IL1R2: variants seen among roughly 807,000 people sequenced by gnomAD.
IL1R2 encodes the protein interleukin-1 receptor type 2.
IL1R2 carries 46 observed loss-of-function variants against 39.5 expected under a neutral mutation model. The observed-to-expected ratio is 1.16, with a 90% CI of 0.92 to 1.49. The LOEUF is 1.49. IL1R2 is among the 40% of genes most tolerant of loss of function. IL1R2 has a pLI of 0.00. For missense variants in IL1R2, 537 were observed against 502.0 expected (o/e 1.07, Z -0.67); for synonymous variants, 207 against 189.6 (o/e 1.09, Z -0.75).
intron 1 of IL1R2, among the ~76,000 whole-genome samples, chr2:101,995,491 C>A (rs765988464): frequency 6.6e-6 from 1 of 152,156 alleles, no homozygotes; most frequent in African/African-American, 2.4e-5. Context: ...ACAGCCCAAA[C>A]GATACCTTGA....
At position 102,015,950 on chromosome 2, in the gene IL1R2, T is replaced by C; in HGVS notation, c.412T>C (p.Tyr138His). 2 of 1,613,996 alleles carry C rather than the reference T, an allele frequency of 1.2e-6. No individual in the cohort carries two copies. The highest frequency in any genetic ancestry group is 2.2e-5 in the East Asian group (1 of 44,878). ...NTDAFLPFIS[Y>H]PQILTLSTSG... ...AGATGCTTTCCTGCCGTTCATCTCA[T>C]ACCCGCAAATTTTAACCTTGTCAAC... Residue 138 changes from tyrosine (Y) to histidine (H), a missense_variant, in exon 4 of 9, where the codon TAC becomes CAC. Tyr to His is a moderately conservative substitution (Grantham distance 83, BLOSUM62 2). Transcript: ENST00000332549.
chr2:102,009,942 T>A (rs1055141526), intron 3 of IL1R2, 116 bp downstream of exon 3: 14 of 1,194,546 alleles, frequency 1.2e-5, no homozygotes, highest in African/African-American at 6.1e-5. Context: ...ATCCAGTGAA[T>A]CCACATTGCA....
intron 4 of IL1R2, among the ~76,000 whole-genome samples, chr2:102,017,258 G>C (rs1030206723): frequency 3.3e-5 from 5 of 152,004 alleles, no homozygotes; most frequent in Non-Finnish European, 5.9e-5. Flanking sequence ...TTAGCTGGGC[G>C]TGGTAGTGGG....
At position 102,003,116 on chromosome 2, in the gene IL1R2, G is replaced by A. The variant is rs1451173232; in HGVS notation, c.-61-5399G>A. On this transcript the variant is annotated intron_variant, in intron 1 of 8. Transcript: ENST00000332549. ...TGTCTATGTCTGTGTCTATGTCTGT[G>A]TCTGTGTCTCTGTCTGTGTCTATGT... 4.2e-5 allele frequency among the ~76,000 whole-genome samples: 5 copies of A among 118,166 alleles called. 1 individual carries two copies. Among genetic ancestry groups the A allele is most frequent in the African/African-American group, 1.3e-4 (5 of 38,072 alleles). The allele number at this position is 118,166 out of a possible 152,430, so 77.5% of individuals were successfully genotyped here.
intron 1 of IL1R2, among the ~76,000 whole-genome samples, chr2:102,000,489 T>C (rs1675800553): frequency 6.6e-6 from 1 of 152,226 alleles, no homozygotes. Flanking sequence ...CGAATATGAC[T>C]AATAAATGAA....
chr2:102,026,272 G>T lies in IL1R2; in HGVS notation c.1030+19G>T. 1 of 1,591,304 alleles carries T rather than the reference G, an allele frequency of 6.3e-7. No homozygotes were observed. The highest frequency in any genetic ancestry group is 1.1e-5 in the South Asian group (1 of 88,020). On this transcript the variant is annotated intron_variant, in intron 8 of 8. Coordinates refer to ENST00000332549, the MANE Select transcript of IL1R2 (RefSeq NM_004633.4). ...AAGGAAGGTATGTATGTATTTTGGG[G>T]AGCACTATAGGAGAATATAACATGT... is the stretch of plus-strand genomic sequence containing the variant.
At chr2:102,001,638 A>G (rs1032268754) in intron 1 of IL1R2, among the ~76,000 whole-genome samples, 7 of 152,202 alleles carry the variant, frequency 4.6e-5, no homozygotes, top group Non-Finnish European at 8.8e-5. Flanking sequence ...ACATTTTTCA[A>G]TAAAAGCTGA....
At chr2:101,996,737 T>C (rs1675609620) in intron 1 of IL1R2, among the ~76,000 whole-genome samples, 1 of 151,518 alleles carries the variant, frequency 6.6e-6, no homozygotes, top group Non-Finnish European at 1.5e-5. Flanking sequence ...TATATATATA[T>C]GTGTATATAT....
intron 1 of IL1R2, among the ~76,000 whole-genome samples, chr2:101,993,592 C>G (rs1463292403): frequency 1.3e-5 from 2 of 152,274 alleles, no homozygotes; most frequent in Non-Finnish European, 2.9e-5. Flanking sequence ...CTCTCTCTCT[C>G]TCTGTCTCTG....
At chr2:102,021,077 G>A (rs1344968353) in intron 5 of IL1R2, among the ~76,000 whole-genome samples, 1 of 152,174 alleles carries the variant, frequency 6.6e-6, no homozygotes, top group Non-Finnish European at 1.5e-5. Flanking sequence ...AGGGCAGCGC[G>A]TGACTTGGAG....
At chr2:102,013,595 A>G (rs1361972286) in intron 3 of IL1R2, among the ~76,000 whole-genome samples, 1 of 151,326 alleles carries the variant, frequency 6.6e-6, no homozygotes, top group Non-Finnish European at 1.5e-5. Flanking sequence ...AAGAAAAAAA[A>G]AAAAAAAGAG....
chr2:101,993,495 T>C (rs1577670409), intron 1 of IL1R2, among the ~76,000 whole-genome samples: 1 of 152,300 alleles, frequency 6.6e-6, no homozygotes, highest in East Asian at 1.9e-4. Context: ...ATCAGGAAAG[T>C]TGCCTGAGGC....
Position 102,028,270 on chromosome 2 carries a change from C to A in IL1R2, c.1075C>A (p.Leu359Met). ...SWGIVLAPLS[L>M]AFLVLGGIWM... ...GGGCATTGTGCTGGCCCCACTTTCA[C>A]TGGCCTTCTTGGTTTTGGGGGGAAT... Residue 359 changes from leucine to methionine, a missense_variant, in exon 9 of 9, where the codon CTG (leucine) becomes ATG (methionine). Coordinates refer to ENST00000332549, the MANE Select transcript of IL1R2 (RefSeq NM_004633.4). 5.0e-6 allele frequency: 8 copies of A among 1,612,602 alleles called. No homozygotes were observed. Among genetic ancestry groups the A allele is most frequent in the Non-Finnish European group, 6.8e-6 (8 of 1,179,424 alleles).
intron 5 of IL1R2, among the ~76,000 whole-genome samples, chr2:102,020,993 G>T (rs1055337319): frequency 6.6e-6 from 1 of 152,186 alleles, no homozygotes; most frequent in African/African-American, 2.4e-5. Flanking sequence ...CCCGGGTGAT[G>T]CTGGGGACCC....
chr2:101,998,345 G>C (rs1007260444), intron 1 of IL1R2, among the ~76,000 whole-genome samples: 6 of 152,292 alleles, frequency 3.9e-5, no homozygotes, highest in Admixed American at 2.6e-4. Flanking sequence ...TGTCTCCTCT[G>C]TTACTGGGCA....
intron 5 of IL1R2, among the ~76,000 whole-genome samples, chr2:102,020,925 G>T (rs545147445): frequency 6.6e-6 from 1 of 152,210 alleles, no homozygotes; most frequent in Non-Finnish European, 1.5e-5. Context: ...CTCGGGTCCC[G>T]TGGAGACCTA....
In IL1R2 at chr2:102,019,819, AC is replaced by A; in HGVS notation, c.688+8del. 6.2e-7 allele frequency: 1 copy of A among 1,611,014 alleles called. No individual in the cohort carries two copies. Among genetic ancestry groups the A allele is most frequent in the Non-Finnish European group, 8.5e-7 (1 of 1,178,298 alleles). On this transcript the variant is annotated splice_region_variant and intron_variant, in intron 5 of 8. Coordinates refer to ENST00000332549, the MANE Select transcript of IL1R2 (RefSeq NM_004633.4). ...ATTGAGCTACGCATCAAGAGTAAGT[AC>A]TTGCCATTGAGGCACCTATCTATCC...
chr2:101,996,795 A>G (rs1401351619), intron 1 of IL1R2, among the ~76,000 whole-genome samples: 2 of 151,872 alleles, frequency 1.3e-5, no homozygotes, highest in African/African-American at 4.8e-5. Flanking sequence ...ATACACATAT[A>G]TAATATATAC....
intron 8 of IL1R2, among the ~76,000 whole-genome samples, chr2:102,027,241 G>A (rs140263340): frequency 4.0e-4 from 61 of 152,312 alleles, no homozygotes; most frequent in African/African-American, 1.4e-3. Context: ...CACATGTGAA[G>A]GGTGGCGTTT....
Sources: allele counts gnomAD v4.1 joint callset (sites outside exome capture counted in the v4.1 genomes callset), GRCh38; gene constraint gnomAD v4.1.1; transcripts MANE v1.5; gene names NCBI Gene and HGNC (gene_info 2026-07-23, HGNC 2026-07-21).